CNTNAP2: variants seen among roughly 807,000 people sequenced by gnomAD.
CNTNAP2 encodes contactin-associated protein-like 2.
A neutral mutation model predicts 155.2 loss-of-function variants in CNTNAP2; 98 were observed. That is an observed-to-expected ratio of 0.63 (90% CI 0.54 to 0.75). The LOEUF (loss-of-function observed/expected upper bound fraction) is 0.75. Ranked by LOEUF, CNTNAP2 falls within the 30% of genes least tolerant of loss-of-function variation. The pLI is 0.00. For synonymous variants in CNTNAP2, 651 were observed against 631.2 expected, an observed-to-expected ratio of 1.03 and a Z score of -0.47; for missense variants, 1,727 against 1,688.1, an observed-to-expected ratio of 1.02 and a Z score of -0.40.
At chr7:148,241,331 T>C (rs1019895026) in intron 20 of CNTNAP2, among the ~76,000 whole-genome samples, 2 of 152,218 alleles carry the variant, frequency 1.3e-5, no homozygotes, top group Non-Finnish European at 2.9e-5. Flanking sequence ...GATGTCAGGA[T>C]CAGTACCAAC....
chr7:146,568,597 T>C (rs879791088), intron 1 of CNTNAP2, among the ~76,000 whole-genome samples: 1 of 152,174 alleles, frequency 6.6e-6, no homozygotes, highest in Admixed American at 6.5e-5. Flanking sequence ...TTCTCTTATT[T>C]TGCTGCATTC....
chr7:146,791,908 T>G (rs1802680253), intron 2 of CNTNAP2, among the ~76,000 whole-genome samples: 1 of 152,200 alleles, frequency 6.6e-6, no homozygotes. Flanking sequence ...GGTTCCTTTG[T>G]CCTCAACTCT....
At chr7:146,167,711 T>C (rs944772752) in intron 1 of CNTNAP2, among the ~76,000 whole-genome samples, 8 of 152,128 alleles carry the variant, frequency 5.3e-5, no homozygotes, top group African/African-American at 1.9e-4. Flanking sequence ...CAAATTTGAG[T>C]TGATCATTGC....
chr7:146,592,182 G>A (rs1056636091), intron 1 of CNTNAP2, among the ~76,000 whole-genome samples: 1 of 152,116 alleles, frequency 6.6e-6, no homozygotes, highest in Admixed American at 6.5e-5. Flanking sequence ...TCTGTGGCTT[G>A]GTAGCCTCCC....
chr7:148,420,412 T>C lies in CNTNAP2; in HGVS notation c.*4796T>C, dbSNP rs755592189. On this transcript the variant is annotated 3_prime_UTR_variant, in exon 24 of 24. Transcript: ENST00000361727. ...TTTTTTTTCATAAGTGGCATATAAA[T>C]GTCATTCAATGAAATGGGGAAATCA... is the stretch of plus-strand genomic sequence containing the variant. 2 of 152,166 alleles carry C rather than the reference T, an allele frequency of 1.3e-5. No individual in the cohort carries two copies. The highest frequency in any genetic ancestry group is 2.9e-5 in the Non-Finnish European group (2 of 68,030). 9.4% of individuals were successfully genotyped at this position (152,166 alleles called of 1,614,324 possible).
chr7:148,038,190 C>A (rs1802605596), intron 15 of CNTNAP2, among the ~76,000 whole-genome samples: 1 of 152,328 alleles, frequency 6.6e-6, no homozygotes. Context: ...AACTATAGAG[C>A]ATGGTCTTCA....
At chr7:148,082,053 TCTC>T (rs561215242) in intron 15 of CNTNAP2, among the ~76,000 whole-genome samples, 2 of 152,230 alleles carry the variant, frequency 1.3e-5, no homozygotes, top group South Asian at 4.2e-4. Context: ...CTCAAGGGAT[TCTC>T]CTGCCTTGGC....
At chr7:147,842,630 T>C (rs1396147954) in intron 13 of CNTNAP2, among the ~76,000 whole-genome samples, 1 of 109,296 alleles carries the variant, frequency 9.1e-6, no homozygotes, top group Admixed American at 9.9e-5. Flanking sequence ...TTAGGGTACA[T>C]GTGCACATTG....
At chr7:146,607,697 C>T (rs909769627) in intron 1 of CNTNAP2, among the ~76,000 whole-genome samples, 4 of 151,974 alleles carry the variant, frequency 2.6e-5, no homozygotes, top group African/African-American at 4.8e-5. Flanking sequence ...AGGCTGGTCT[C>T]GAATGCCTGG....
intron 13 of CNTNAP2, among the ~76,000 whole-genome samples, chr7:147,811,990 AG>A (rs1297731761): frequency 6.6e-6 from 1 of 152,208 alleles, no homozygotes; most frequent in Non-Finnish European, 1.5e-5. Flanking sequence ...GTAGATTAGA[AG>A]GAAAAAAATC....
chr7:146,644,735 A>C (rs1485305052), intron 1 of CNTNAP2, among the ~76,000 whole-genome samples: 1 of 152,190 alleles, frequency 6.6e-6, no homozygotes, highest in Non-Finnish European at 1.5e-5. Flanking sequence ...ATCTAGAAGA[A>C]ATGGATAAAT....
chr7:146,849,100 TA>T (rs560937831), intron 3 of CNTNAP2, among the ~76,000 whole-genome samples: 67 of 152,080 alleles, frequency 4.4e-4, no homozygotes, highest in East Asian at 1.7e-3. Context: ...CTTTTTAAAA[TA>T]AAAAAAACTC....
chr7:146,268,169 G>A (rs1168511228), intron 1 of CNTNAP2, among the ~76,000 whole-genome samples: 1 of 152,128 alleles, frequency 6.6e-6, no homozygotes, highest in African/African-American at 2.4e-5. Context: ...TTTTAACTTT[G>A]CCTAGTGTCA....
intron 1 of CNTNAP2, among the ~76,000 whole-genome samples, chr7:146,635,361 A>G (rs1300504811): frequency 6.6e-6 from 1 of 152,138 alleles, no homozygotes; most frequent in Non-Finnish European, 1.5e-5. Flanking sequence ...ACAACCAGCC[A>G]GTGGCCTCAG....
intron 8 of CNTNAP2, among the ~76,000 whole-genome samples, chr7:147,198,247 T>TTG (rs1411187852): frequency 1.1e-4 from 16 of 147,752 alleles, no homozygotes; most frequent in African/African-American, 4.0e-4. Context: ...TTTTTTTTTT[T>TTG]TTTTTTGAGA....
Position 148,172,472 on chromosome 7 carries a change from A to G in CNTNAP2, c.3004A>G (p.Asn1002Asp). The G allele has an allele frequency of 6.2e-7, 1 of 1,614,102 alleles. No individual in the cohort carries two copies. Among genetic ancestry groups the G allele is most frequent in the Non-Finnish European group, 8.5e-7 (1 of 1,179,952 alleles). The change falls in exon 18 of 24, where the codon AAC (asparagine) becomes GAC (aspartate). Residue 1002 changes from asparagine (N) to aspartate (D), a missense_variant. Transcript: ENST00000361727. ...SNTAYDGTFC[N>D]KDVGAFFEEG... ...TACTGCATATGATGGAACATTTTGC[A>G]ACAAAGGTAAGGTGGAACCCATTTC...
intron 13 of CNTNAP2, among the ~76,000 whole-genome samples, chr7:147,860,402 C>A (rs2116684140): frequency 6.6e-6 from 1 of 152,082 alleles, no homozygotes; most frequent in African/African-American, 2.4e-5. Context: ...CCAACCTGGG[C>A]AACAGAGTGA....
chr7:146,970,787 A>G (rs573673613), intron 3 of CNTNAP2, among the ~76,000 whole-genome samples: 1 of 152,338 alleles, frequency 6.6e-6, no homozygotes, highest in Non-Finnish European at 1.5e-5. Flanking sequence ...CACTATTCAC[A>G]AAATCAAAGA....
At chr7:146,502,716 A>C (rs1406870499) in intron 1 of CNTNAP2, among the ~76,000 whole-genome samples, 4 of 152,102 alleles carry the variant, frequency 2.6e-5, no homozygotes, top group African/African-American at 7.2e-5. Flanking sequence ...GGTTCAAGCA[A>C]TTCTCATGTC....
Sources: gnomAD v4.1 joint callset for allele counts (sites outside exome capture counted in the v4.1 genomes callset) on GRCh38, gnomAD v4.1.1 for gene constraint, MANE v1.5 for transcripts, NCBI Gene and HGNC (gene_info 2026-07-23, HGNC 2026-07-21) for gene names.